The following ZNF385D variants were observed in gnomAD, a reference collection of about 807,000 sequenced individuals.
ZNF385D encodes the protein zinc finger protein 385D, also known as zinc finger protein 659.
In ZNF385D, 15 loss-of-function variants were observed where a neutral mutation model predicts 35.8. That is an observed-to-expected ratio of 0.42 (90% CI 0.28 to 0.64). The LOEUF is 0.64. ZNF385D is among the 30% of genes least tolerant of loss of function. The probability of loss-of-function intolerance (pLI) is 0.23; values close to 1 mark genes in which losing one functional copy is unlikely to be tolerated. For synonymous variants in ZNF385D, 212 were observed against 186.8 expected (o/e 1.13, Z -1.10); for missense variants, 474 against 494.6 (o/e 0.96, Z 0.39).
chr3:21,442,392 A>G (rs1438779301), intron 4 of ZNF385D, among the ~76,000 whole-genome samples: 2 of 152,176 alleles, frequency 1.3e-5, no homozygotes, highest in Non-Finnish European at 2.9e-5. Context: ...TTCCTATGTG[A>G]ATTTAAGTCT....
chr3:21,750,928 C>T lies in ZNF385D; in HGVS notation c.-12G>A. On this transcript the variant is annotated 5_prime_UTR_variant, in exon 1 of 8. Transcript: ENST00000281523. ...ATTATGTTTCTCATTAATCAGACAG[C>T]TGGAATCCCACCGCGGTGTCTTCAG... The T allele has an allele frequency of 6.2e-7, 1 of 1,614,154 alleles. No homozygotes were observed. The highest frequency in any genetic ancestry group is 8.5e-7 in the Non-Finnish European group (1 of 1,180,030).
intron 2 of ZNF385D, among the ~76,000 whole-genome samples, chr3:21,581,190 C>A (rs1160576014): frequency 6.6e-6 from 1 of 152,170 alleles, no homozygotes; most frequent in East Asian, 1.9e-4. Context: ...ATAACGTAGA[C>A]CTGCTGGCAA....
intron 2 of ZNF385D, among the ~76,000 whole-genome samples, chr3:21,575,806 A>T (rs1371845015): frequency 6.6e-6 from 1 of 152,192 alleles, no homozygotes; most frequent in Admixed American, 6.6e-5. Context: ...CTTTGTACCC[A>T]GCCATTAGCA....
rs1263463843 is a variant in ZNF385D at position 22,293,302 on chromosome 3, A to T, written c.106+79148T>A. Among the ~76,000 whole-genome samples the T allele has an allele frequency of 3.9e-5, 6 of 152,100 alleles. No homozygotes were observed. In the East Asian group the frequency reaches 1.2e-3, roughly 29 times the overall value. ...CCTTTGCTACCTTTTATTAAACTCGATGTCCTTTACTCATCTCAATTAGTG... is the reference window on the plus strand; with the variant it reads ...CCTTTGCTACCTTTTATTAAACTCGTTGTCCTTTACTCATCTCAATTAGTG... On this transcript the variant is annotated intron_variant, in intron 2 of 5. Coordinates refer to the ZNF385D transcript ENST00000494108.
chr3:21,934,083 T>TA (rs1701146972), intron 3 of ZNF385D, among the ~76,000 whole-genome samples: 1 of 152,140 alleles, frequency 6.6e-6, no homozygotes, highest in Non-Finnish European at 1.5e-5. Flanking sequence ...TCTTTCAGTG[T>TA]AAAAGAGAAT....
chr3:22,133,368 T>A (rs552514116), intron 3 of ZNF385D, among the ~76,000 whole-genome samples: 94 of 151,994 alleles, frequency 6.2e-4, no homozygotes, highest in African/African-American at 2.1e-3. Flanking sequence ...TATCTCTATA[T>A]GGGGTGTGCC....
chr3:21,752,677 A>C (rs543685859), upstream of ZNF385D, among the ~76,000 whole-genome samples: 8 of 152,320 alleles, frequency 5.3e-5, no homozygotes, highest in South Asian at 1.7e-3. Context: ...TCTTAAGATA[A>C]ATCTAGGGCT....
upstream of ZNF385D, among the ~76,000 whole-genome samples, chr3:21,752,598 C>T (rs6783377): frequency 5.5e-4 from 84 of 151,932 alleles, no homozygotes; most frequent in East Asian, 0.014. Context: ...TCCTCTCTCA[C>T]GCTAGATTAT....
intron 3 of ZNF385D, among the ~76,000 whole-genome samples, chr3:21,794,996 C>G (rs1197917300): frequency 6.6e-6 from 1 of 152,136 alleles, no homozygotes. Flanking sequence ...AATATTTTTA[C>G]TAATACTCTC....
chr3:21,923,873 T>C (rs1700595939), intron 3 of ZNF385D, among the ~76,000 whole-genome samples: 2 of 152,236 alleles, frequency 1.3e-5, no homozygotes, highest in African/African-American at 4.8e-5. Context: ...ATAAACTAAC[T>C]CTTGAGTTAA....
Position 21,987,274 on chromosome 3 carries a change from T to C in ZNF385D, c.325+181543A>G, listed in dbSNP as rs1333568176. Among the ~76,000 whole-genome samples, 12 of 140,696 alleles carry C rather than the reference T, an allele frequency of 8.5e-5. No individual in the cohort carries two copies. The East Asian group carries it at 2.0e-3, about 24-fold the overall frequency. The allele number at this position is 140,696 out of a possible 152,430, so 92.3% of individuals were successfully genotyped here. Reference sequence around the variant, plus strand: ...GTTTCTTCCTAGTCTCGATGGTCTTTACATTTTGGCATGATTTTGCAGTGG... The same window carrying C: ...GTTTCTTCCTAGTCTCGATGGTCTTCACATTTTGGCATGATTTTGCAGTGG... On this transcript the variant is annotated intron_variant, in intron 3 of 5. Coordinates refer to the ZNF385D transcript ENST00000494108.
chr3:22,266,588 A>G (rs772391122), intron 2 of ZNF385D, among the ~76,000 whole-genome samples: 4 of 151,912 alleles, frequency 2.6e-5, no homozygotes, highest in Non-Finnish European at 5.9e-5. Context: ...CCAATGTAAG[A>G]GCCCTAGTCT....
intron 3 of ZNF385D, among the ~76,000 whole-genome samples, chr3:21,557,204 G>C (rs1235728115): frequency 6.6e-6 from 1 of 152,162 alleles, no homozygotes; most frequent in African/African-American, 2.4e-5. Flanking sequence ...ATGCTATGTT[G>C]AATAGGAGTG....
At chr3:22,006,949 A>T (rs1000714322) in intron 3 of ZNF385D, among the ~76,000 whole-genome samples, 3 of 152,114 alleles carry the variant, frequency 2.0e-5, no homozygotes, top group African/African-American at 7.2e-5. Flanking sequence ...GGAAAAAAAA[A>T]GTCATTTAAT....
Position 21,418,941 on chromosome 3 carries a change from A to C in ZNF385D, c.*2273T>G, listed in dbSNP as rs1191760275. The stretch of plus-strand genomic sequence containing the variant: ...ACAACAGACTTATGGGCAACTATCC[A>C]CCTGGCTGAACTACCAGGGTCTGTA... On this transcript the variant is annotated 3_prime_UTR_variant, in exon 8 of 8. Transcript: ENST00000281523. The C allele has an allele frequency of 1.3e-5, 2 of 152,180 alleles. No homozygotes were observed. Among genetic ancestry groups the C allele is most frequent in the Admixed American group, 1.3e-4 (2 of 15,272 alleles). The allele number at this position is 152,180 out of a possible 1,614,324, so 9.4% of individuals were successfully genotyped here. A position where few individuals can be genotyped will look rare whatever the true frequency, so the allele number is the denominator to read the frequency against.
chr3:22,046,089 G>C (rs901565692), intron 3 of ZNF385D, among the ~76,000 whole-genome samples: 5 of 143,126 alleles, frequency 3.5e-5, no homozygotes, highest in African/African-American at 1.0e-4. Flanking sequence ...GATGATAGTG[G>C]CTTAGCACAA....
rs7645602 is a variant in ZNF385D, at chr3:22,047,024, G to C, written c.325+121793C>G. Among the ~76,000 whole-genome samples, 798 of 152,166 alleles carry C rather than the reference G, an allele frequency of 5.2e-3. 6 individuals are homozygous for C. Among genetic ancestry groups the C allele is most frequent in the Non-Finnish European group, 8.3e-3 (566 of 67,956 alleles). ...GATTAATTTTCAGGTGGCCAATAAT[G>C]AATTAAGATAAATTATACCAGTAAC... is the stretch of plus-strand genomic sequence containing the variant. On this transcript the variant is annotated intron_variant, in intron 3 of 5. Coordinates refer to the ZNF385D transcript ENST00000494108.
At chr3:21,787,350 G>A (rs1008791970) in intron 3 of ZNF385D, among the ~76,000 whole-genome samples, 5 of 152,126 alleles carry the variant, frequency 3.3e-5, no homozygotes, top group Admixed American at 3.3e-4. Context: ...GTGGGAACAT[G>A]GGCACAAAGA....
At chr3:21,949,761 G>C (rs764289550) in intron 3 of ZNF385D, among the ~76,000 whole-genome samples, 1 of 151,778 alleles carries the variant, frequency 6.6e-6, no homozygotes, top group Non-Finnish European at 1.5e-5. Context: ...ACGCGTCCAT[G>C]TGTTCTCATT....
Sources: allele counts gnomAD v4.1 joint callset (sites outside exome capture counted in the v4.1 genomes callset), GRCh38; gene constraint gnomAD v4.1.1; transcripts MANE v1.5; gene names NCBI Gene and HGNC (gene_info 2026-07-23, HGNC 2026-07-21).